Variants in MSI2 observed in about 807,000 individuals in gnomAD.
The protein encoded by MSI2 is musashi RNA binding protein 2, also known as RNA-binding protein Musashi homolog 2.
Under a neutral mutation model 45.6 loss-of-function variants are expected in MSI2, and 17 were observed. The ratio of observed to expected loss-of-function variants is 0.37; its 90% confidence interval spans 0.26 to 0.56. The LOEUF (loss-of-function observed/expected upper bound fraction) is 0.56, where lower values mean the gene tolerates loss of function less well. MSI2 is among the 20% of genes least tolerant of loss of function. The pLI, the probability that MSI2 is intolerant of heterozygous loss-of-function variation, is 0.77. For synonymous variants in MSI2, 156 were observed against 158.2 expected (o/e 0.99, Z 0.11); for missense variants, 293 against 444.2 (o/e 0.66, Z 3.06).
intron 11 of MSI2, among the ~76,000 whole-genome samples, chr17:57,654,110 G>A (rs1010076263): frequency 6.6e-6 from 1 of 152,168 alleles, no homozygotes; most frequent in African/African-American, 2.4e-5. Context: ...TTAGCGCAAG[G>A]AGTAAATCCT....
chr17:57,683,675 AT>A lies in MSI2; in HGVS notation c.*4173del, dbSNP rs767906483. The A allele has an allele frequency of 0.076, 14,776 of 195,014 alleles. No individual in the cohort carries two copies. Among genetic ancestry groups the A allele is most frequent in the East Asian group, 0.16 (2,021 of 12,282 alleles). 12.1% of individuals were successfully genotyped at this position (195,014 alleles called of 1,614,324 possible). A position where few individuals can be genotyped will look rare whatever the true frequency, so the allele number is the denominator to read the frequency against. The stretch of plus-strand genomic sequence containing the variant: ...GTGGGGGGCTGGTGGGGGAGGGGAG[AT>A]TTTTTTTTTTTTTTCTTGAATGTGC... On this transcript the variant is annotated 3_prime_UTR_variant, in exon 14 of 14. Coordinates refer to ENST00000284073, the MANE Select transcript of MSI2 (RefSeq NM_138962.4). This position sits in a 1 kb window ranked among gnomAD's most constrained non-coding sequence, Gnocchi z 5.2.
chr17:57,499,013 A>T (rs745587420), intron 6 of MSI2, among the ~76,000 whole-genome samples: 2 of 143,792 alleles, frequency 1.4e-5, no homozygotes, highest in Non-Finnish European at 3.0e-5. Flanking sequence ...ATATGCCCCC[A>T]GGTGAATTGA....
chr17:57,581,075 C>T (rs1407468715), intron 7 of MSI2, among the ~76,000 whole-genome samples: 2 of 129,382 alleles, frequency 1.5e-5, no homozygotes, highest in Non-Finnish European at 3.1e-5. Context: ...TGCAGTGGCA[C>T]GATCTCTGCT....
chr17:57,383,970 A>G (rs944617579), intron 5 of MSI2, among the ~76,000 whole-genome samples: 1 of 152,184 alleles, frequency 6.6e-6, no homozygotes, highest in African/African-American at 2.4e-5. Context: ...CCCAGCAAGC[A>G]CCCAGATCCA....
chr17:57,490,883 T>G lies in MSI2; in HGVS notation c.406-38793T>G, dbSNP rs562574283. 3.4e-5 allele frequency among the ~76,000 whole-genome samples: 3 copies of G among 88,134 alleles called. No homozygotes were observed. In the East Asian group the frequency reaches 1.1e-3, roughly 31 times the overall value. The allele number at this position is 88,134 out of a possible 152,430, so 57.8% of individuals were successfully genotyped here. ...TCTTCACTTCCTCTACCTCTCTTTC[T>G]TCCCCTCTGTTTTTTTCTTTTCTAG... On this transcript the variant is annotated intron_variant, in intron 6 of 13. Coordinates refer to ENST00000284073, the MANE Select transcript of MSI2 (RefSeq NM_138962.4).
intron 6 of MSI2, among the ~76,000 whole-genome samples, chr17:57,499,232 C>T (rs1020772078): frequency 5.3e-5 from 8 of 151,912 alleles, no homozygotes; most frequent in Non-Finnish European, 7.4e-5. Flanking sequence ...AAAAATTAGC[C>T]AGGTGTGGTG....
chr17:57,311,115 T>G (rs1051007524), intron 5 of MSI2, among the ~76,000 whole-genome samples: 12 of 152,218 alleles, frequency 7.9e-5, no homozygotes, highest in African/African-American at 2.9e-4. Flanking sequence ...TTACTATTAT[T>G]GGTGTTGTTT....
chr17:57,356,750 A>G (rs17834063), intron 5 of MSI2, among the ~76,000 whole-genome samples: 15,000 of 152,160 alleles, frequency 0.099, 926 homozygotes, highest in Non-Finnish European at 0.15. Context: ...CTGCTCCTTT[A>G]TAAGTTGGAG....
At chr17:57,608,952 G>A (rs1052731349) in intron 8 of MSI2, among the ~76,000 whole-genome samples, 1 of 152,190 alleles carries the variant, frequency 6.6e-6, no homozygotes, top group East Asian at 1.9e-4. Flanking sequence ...AAGAAAAAAG[G>A]CTGTGGCCAC....
intron 6 of MSI2, among the ~76,000 whole-genome samples, chr17:57,526,411 C>CTGTGTGTG (rs2086703111): frequency 2.4e-5 from 2 of 81,896 alleles, no homozygotes; most frequent in South Asian, 3.8e-4. Flanking sequence ...GTGTGTGTGA[C>CTGTGTGTG]AGAGAGAGAG....
chr17:57,405,500 T>G (rs1382276722), intron 6 of MSI2, among the ~76,000 whole-genome samples: 1 of 152,208 alleles, frequency 6.6e-6, no homozygotes, highest in Non-Finnish European at 1.5e-5. Context: ...TAGATTATAA[T>G]CTAAGGTATC....
intron 6 of MSI2, among the ~76,000 whole-genome samples, chr17:57,526,389 G>A (rs2086701071): frequency 1.3e-5 from 2 of 148,966 alleles, no homozygotes; most frequent in African/African-American, 2.5e-5. Flanking sequence ...GTGTGTGTGT[G>A]TGTGTGTGTG....
chr17:57,330,364 A>G (rs1914142025), intron 5 of MSI2, among the ~76,000 whole-genome samples: 1 of 150,592 alleles, frequency 6.6e-6, no homozygotes, highest in Admixed American at 6.6e-5. Flanking sequence ...TGCTCACTGC[A>G]ACCTCTGCCT....
chr17:57,547,883 C>T (rs571609524), intron 7 of MSI2, among the ~76,000 whole-genome samples: 1 of 152,146 alleles, frequency 6.6e-6, no homozygotes, highest in East Asian at 1.9e-4. Flanking sequence ...TAGATTTTAT[C>T]ATCAGTGTGG....
chr17:57,545,059 C>CA (rs2087132082), intron 7 of MSI2, among the ~76,000 whole-genome samples: 1 of 152,104 alleles, frequency 6.6e-6, no homozygotes, highest in Non-Finnish European at 1.5e-5. Flanking sequence ...GAGAAACAAG[C>CA]ACGTTTGGTG....
rs371191169 is a variant in MSI2, at chr17:57,353,283, C to T, written c.313-48096C>T. ...TGGGTTTTCACTTGTACCCACTGCT[C>T]CTGTTTAAGTCTTCCTTGGACCAAC... On this transcript the variant is annotated intron_variant, in intron 5 of 13. Coordinates refer to ENST00000284073, the MANE Select transcript of MSI2 (RefSeq NM_138962.4). 9.2e-5 allele frequency among the ~76,000 whole-genome samples: 14 copies of T among 152,256 alleles called. No homozygotes were observed. The East Asian group carries it at 2.5e-3, about 27-fold the overall frequency.
intron 6 of MSI2, among the ~76,000 whole-genome samples, chr17:57,505,353 C>T (rs2086204593): frequency 6.6e-6 from 1 of 151,906 alleles, no homozygotes; most frequent in South Asian, 2.1e-4. Context: ...GAAAAGGGAG[C>T]CTGGGAGAGT....
At chr17:57,566,033 A>G (rs1383653074) in intron 7 of MSI2, 1 of 152,172 alleles carries the variant, frequency 6.6e-6, no homozygotes, top group Non-Finnish European at 1.5e-5. Context: ...ATCCTTAAAG[A>G]CAAGAGAAAT....
At chr17:57,625,200 C>A (rs1251573773) in intron 9 of MSI2, among the ~76,000 whole-genome samples, 1 of 152,192 alleles carries the variant, frequency 6.6e-6, no homozygotes, top group African/African-American at 2.4e-5. Flanking sequence ...GAAACACATA[C>A]ATCAAATCAT....
Sources: gnomAD v4.1 joint callset for allele counts (sites outside exome capture counted in the v4.1 genomes callset) on GRCh38, gnomAD v4.1.1 for gene constraint, Gnocchi (gnomAD v3.1) non-coding constraint, MANE v1.5 for transcripts, NCBI Gene and HGNC (gene_info 2026-07-23, HGNC 2026-07-21) for gene names.